TUT7: variants seen among roughly 807,000 people sequenced by gnomAD.
TUT7 encodes terminal uridylyl transferase 7.
In TUT7, 33 loss-of-function variants were observed where a neutral mutation model predicts 165.9. The observed-to-expected ratio is 0.20, with a 90% CI of 0.15 to 0.27. TUT7 has a LOEUF of 0.27. TUT7 is among the 10% of genes least tolerant of loss of function. The pLI is 1.00. For missense variants in TUT7, 1,338 were observed against 1,762.3 expected (o/e 0.76, Z 4.31); for synonymous variants, 552 against 608.1 (o/e 0.91, Z 1.36).
intron 22 of TUT7, 93 bp from the exon 23 acceptor site, chr9:86,305,332 A>G: frequency 1.2e-6 from 1 of 843,754 alleles, no homozygotes; most frequent in East Asian, 2.7e-5. Context: ...AGACAAGAAT[A>G]TCATCTACTT....
At chr9:86,348,951 G>A (rs534005110) in intron 2 of TUT7, among the ~76,000 whole-genome samples, 1 of 152,008 alleles carries the variant, frequency 6.6e-6, no homozygotes, top group Non-Finnish European at 1.5e-5. Context: ...AAATCTCACC[G>A]GAGGGACTCT....
chr9:86,319,517 A>G, intron 15 of TUT7, 67 bp downstream of exon 15: 3 of 1,088,984 alleles, frequency 2.8e-6, no homozygotes, highest in Non-Finnish European at 4.0e-6. Flanking sequence ...GTGTGCTTGT[A>G]ACACATGAAC....
chr9:86,323,910 C>T lies in TUT7; in HGVS notation c.1840G>A (p.Val614Met), dbSNP rs1829557245. 1.2e-6 allele frequency: 2 copies of T among 1,609,632 alleles called. No homozygotes were observed. The highest frequency in any genetic ancestry group is 1.7e-4 in the Middle Eastern group (1 of 6,052). The change falls in exon 13 of 27, where the codon GTG becomes ATG. Residue 614 changes from valine (V) to methionine (M), a missense_variant. Coordinates refer to ENST00000375963, the MANE Select transcript of TUT7 (RefSeq NM_024617.4). ...AAACAATGAAGTATATATTCAAACA[C>T]AGGTTGACTATTTAGGGTTCTTGCC... ...NVARTLNSQP[V>M]FEYILHCLRT...
At chr9:86,330,951 T>C (rs1242637516) in intron 10 of TUT7, among the ~76,000 whole-genome samples, 1 of 151,868 alleles carries the variant, frequency 6.6e-6, no homozygotes, top group East Asian at 1.9e-4. Context: ...CATAGCTCAC[T>C]GCAGCCTCGA....
Position 86,310,036 on chromosome 9 carries a change from C to A in TUT7, c.3379-19G>T, listed in dbSNP as rs549714807. The A allele has an allele frequency of 6.3e-7, 1 of 1,580,348 alleles. No individual in the cohort carries two copies. The highest frequency in any genetic ancestry group is 8.7e-7 in the Non-Finnish European group (1 of 1,154,326). ...GAAGGGCCTGTTAAAAGGAAAATAA[C>A]ACTATAAGACTAACAATGAAGTGTA... On this transcript the variant is annotated intron_variant, in intron 18 of 26. Coordinates refer to ENST00000375963, the MANE Select transcript of TUT7 (RefSeq NM_024617.4).
chr9:86,335,472 G>A (rs186777668), intron 10 of TUT7, among the ~76,000 whole-genome samples: 273 of 152,288 alleles, frequency 1.8e-3, no homozygotes, highest in Non-Finnish European at 2.6e-3. Flanking sequence ...AGAGATCTGG[G>A]TAGGTCGGGA....
rs903570419 is a variant in TUT7 at position 86,345,061 on chromosome 9, C to T, written c.913G>A (p.Glu305Lys). Residue 305 changes from glutamate (E) to lysine (K), a missense_variant, in exon 5 of 27, where the codon GAA (glutamate) becomes AAA (lysine). Glu to Lys is a moderately conservative substitution (Grantham distance 56). Around this residue, in one of 7 missense-constraint regions of TUT7, gnomAD observed 434 missense variants for 480.8 expected, o/e 0.90. Coordinates refer to ENST00000375963, the MANE Select transcript of TUT7 (RefSeq NM_024617.4). ...AAGTTCTCATTGTGTAAGCCAAATTCCTGTACCACTTTGTCAATGGCAATG... is the reference window on the plus strand; with the variant it reads ...AAGTTCTCATTGTGTAAGCCAAATTTCTGTACCACTTTGTCAATGGCAATG... ...VGIAIDKVVQ[E>K]FGLHNENLEQ... 2.5e-6 allele frequency: 4 copies of T among 1,613,708 alleles called. No homozygotes were observed. The highest frequency in any genetic ancestry group is 1.3e-5 in the African/African-American group (1 of 74,908).
At chr9:86,324,235 G>A (rs981582340) in intron 12 of TUT7, 1 of 205,064 alleles carries the variant, frequency 4.9e-6, no homozygotes, top group African/African-American at 2.3e-5. Flanking sequence ...TGTGACTGTG[G>A]AGGTAGAAAA....
chr9:86,307,470 AAAT>A (rs1212520788), intron 22 of TUT7, among the ~76,000 whole-genome samples: 3 of 152,274 alleles, frequency 2.0e-5, no homozygotes, highest in African/African-American at 7.2e-5. Flanking sequence ...CAATAGGCAG[AAAT>A]AATAATAAAA....
In TUT7 at chr9:86,303,200, T is replaced by A; in HGVS notation, c.3980A>T (p.Glu1327Val). The change falls in exon 25 of 27, where the codon GAA becomes GTA. Residue 1327 changes from glutamate (E) to valine (V), a missense_variant and splice_region_variant. By Grantham distance (121) the Glu-to-Val change is moderately radical. Transcript: ENST00000375963. ...GFPKDYPSKM[E>V]YFFDPDVLTE... ...TAACACATCTGGATCAAAAAAGTAT[T>A]CCTAGAAGAACATAAATATATAAAA... 6.4e-7 allele frequency: 1 copy of A among 1,550,700 alleles called. No homozygotes were observed. Among genetic ancestry groups the A allele is most frequent in the Admixed American group, 1.8e-5 (1 of 55,208 alleles).
At chr9:86,339,044 T>C (rs1831090298) in intron 8 of TUT7, 95 bp from the exon 9 acceptor site, 1 of 1,118,346 alleles carries the variant, frequency 8.9e-7, no homozygotes, top group South Asian at 3.3e-5. Context: ...CTAATATACA[T>C]GCATAATAAA....
At chr9:86,320,715 T>A (rs1034008407) in intron 14 of TUT7, among the ~76,000 whole-genome samples, 1 of 152,160 alleles carries the variant, frequency 6.6e-6, no homozygotes, top group Non-Finnish European at 1.5e-5. Flanking sequence ...TAATAAAAGA[T>A]CCTCAGCAAG....
intron 1 of TUT7, among the ~76,000 whole-genome samples, chr9:86,353,737 C>G (rs926844495): frequency 6.6e-6 from 1 of 152,180 alleles, no homozygotes; most frequent in Non-Finnish European, 1.5e-5. Flanking sequence ...CACCCCTATT[C>G]TGGACAGACC....
intron 26 of TUT7, 33 bp from the exon 27 acceptor site, chr9:86,288,777 A>G: frequency 6.4e-7 from 1 of 1,561,174 alleles, no homozygotes; most frequent in Non-Finnish European, 8.8e-7. Context: ...ACCCAATATA[A>G]ATGAAACAAG....
chr9:86,325,346 T>C lies in TUT7; in HGVS notation c.1777A>G (p.Ile593Val). 1 of 1,613,898 alleles carries C rather than the reference T, an allele frequency of 6.2e-7. No individual in the cohort carries two copies. Among genetic ancestry groups the C allele is most frequent in the Non-Finnish European group, 8.5e-7 (1 of 1,179,894 alleles). Residue 593 changes from isoleucine to valine, a missense_variant, in exon 12 of 27, where the codon ATT becomes GTT. Ile to Val is a conservative substitution (Grantham distance 29). Transcript: ENST00000375963. ...CATTTTGAGATACCTTCAATGGCAATGCGCTTTTTGGGCCAATCCTTCAAT... is the reference window on the plus strand; with the variant it reads ...CATTTTGAGATACCTTCAATGGCAACGCGCTTTTTGGGCCAATCCTTCAAT... ...RELKDWPKKR[I>V]AIEDPYSVKR...
At chr9:86,342,668 T>A (rs1831418063) in intron 6 of TUT7, among the ~76,000 whole-genome samples, 1 of 152,174 alleles carries the variant, frequency 6.6e-6, no homozygotes, top group African/African-American at 2.4e-5. Flanking sequence ...AGCCTAATTA[T>A]TTTAACAAAA....
chr9:86,307,743 C>T (rs1827643437), intron 22 of TUT7, among the ~76,000 whole-genome samples: 1 of 152,124 alleles, frequency 6.6e-6, no homozygotes, highest in African/African-American at 2.4e-5. Context: ...TCTGTAATCC[C>T]AGCACTTTGG....
intron 10 of TUT7, among the ~76,000 whole-genome samples, chr9:86,331,711 TATTTA>T (rs1830331461): frequency 6.6e-6 from 1 of 152,244 alleles, no homozygotes; most frequent in African/African-American, 2.4e-5. Context: ...TATGTCTTTA[TATTTA>T]ATTTATTTCT....
intron 3 of TUT7, 68 bp from the exon 4 acceptor site, chr9:86,345,853 A>G (rs1831708909): frequency 8.7e-7 from 1 of 1,150,488 alleles, no homozygotes; most frequent in Non-Finnish European, 1.3e-6. Context: ...AAACAAAATC[A>G]GCCAGGAAAT....
Sources: allele counts gnomAD v4.1 joint callset (sites outside exome capture counted in the v4.1 genomes callset), GRCh38; gene constraint gnomAD v4.1.1; regional missense constraint gnomAD v4.1.1; transcripts MANE v1.5; gene names NCBI Gene and HGNC (gene_info 2026-07-23, HGNC 2026-07-21).